Variants in LRRC4C observed in about 807,000 individuals in gnomAD.
LRRC4C encodes the protein leucine-rich repeat-containing protein 4C.
Under a neutral mutation model 33.6 loss-of-function variants are expected in LRRC4C, and 5 were observed. That is an observed-to-expected ratio of 0.15 (90% confidence interval 0.08 to 0.31). The LOEUF (loss-of-function observed/expected upper bound fraction) is 0.31. LRRC4C is among the 10% of genes least tolerant of loss of function. The pLI is 1.00. For missense variants in LRRC4C, 560 were observed against 796.7 expected, an observed-to-expected ratio of 0.70 and a Z score of 3.58; for synonymous variants, 329 against 302.0, an observed-to-expected ratio of 1.09 and a Z score of -0.93.
chr11:40,370,076 A>G (rs1948384424), intron 3 of LRRC4C, among the ~76,000 whole-genome samples: 1 of 152,206 alleles, frequency 6.6e-6, no homozygotes. Context: ...AGAGGATGTT[A>G]TAAAAGTGAT....
intron 5 of LRRC4C, among the ~76,000 whole-genome samples, chr11:40,198,799 G>A (rs1034624748): frequency 3.3e-5 from 5 of 152,178 alleles, no homozygotes; most frequent in African/African-American, 1.2e-4. Flanking sequence ...TGGACTTAAA[G>A]GGGATTTCAG....
chr11:40,796,405 C>T (rs183005659), intron 2 of LRRC4C, among the ~76,000 whole-genome samples: 54 of 152,032 alleles, frequency 3.6e-4, no homozygotes, highest in African/African-American at 1.3e-3. Flanking sequence ...AACAAATGAG[C>T]CTAGGACAAA....
At chr11:40,942,813 A>T (rs2136612070) in intron 1 of LRRC4C, among the ~76,000 whole-genome samples, 1 of 152,286 alleles carries the variant, frequency 6.6e-6, no homozygotes, top group South Asian at 2.1e-4. Flanking sequence ...AATAAAGAAA[A>T]GATAACACCA....
At chr11:41,005,865 C>T in intron 1 of LRRC4C, among the ~76,000 whole-genome samples, 1 of 152,156 alleles carries the variant, frequency 6.6e-6, no homozygotes, top group East Asian at 1.9e-4. Context: ...AACACAGATA[C>T]ATTTCCTAGT....
rs1456325870 is a variant in LRRC4C at position 41,163,298 on chromosome 11, T to TTTTTTTTTTTTTTTTTTC, written c.-495-229576_-495-229575insGAAAAAAAAAAAAAAAAA. On this transcript the variant is annotated intron_variant, in intron 1 of 6. Coordinates refer to ENST00000528697, the MANE Select transcript of LRRC4C (RefSeq NM_001258419.2). ...TTACTGTAACTGTTTTTTTTTTTTT[T>TTTTTTTTTTTTTTTTTTC]TTTCAAACAGGGTCTTGCTCTGTCA... Among the ~76,000 whole-genome samples the TTTTTTTTTTTTTTTTTTC allele has an allele frequency of 4.5e-5, 6 of 132,952 alleles. 1 individual carries two copies. Among genetic ancestry groups the TTTTTTTTTTTTTTTTTTC allele is most frequent in the Non-Finnish European group, 8.1e-5 (5 of 62,022 alleles). 87.2% of individuals were successfully genotyped at this position (132,952 alleles called of 152,430 possible). A position where few individuals can be genotyped will look rare whatever the true frequency, so the allele number is the denominator to read the frequency against.
At chr11:40,363,860 T>C (rs944841049) in intron 3 of LRRC4C, among the ~76,000 whole-genome samples, 3 of 152,306 alleles carry the variant, frequency 2.0e-5, no homozygotes, top group African/African-American at 7.2e-5. Context: ...GTTTTATCAA[T>C]AAAAGCTTCT....
At chr11:40,325,586 C>T (rs921368965) in intron 3 of LRRC4C, among the ~76,000 whole-genome samples, 2 of 151,832 alleles carry the variant, frequency 1.3e-5, no homozygotes, top group Non-Finnish European at 2.9e-5. Context: ...TTTGATGATG[C>T]CACTGTTCTG....
intron 3 of LRRC4C, among the ~76,000 whole-genome samples, chr11:40,586,536 T>G (rs1958755022): frequency 6.7e-6 from 1 of 148,896 alleles, no homozygotes; most frequent in Non-Finnish European, 1.5e-5. Flanking sequence ...GTTTTAGACA[T>G]GAAGTCCTTG....
intron 1 of LRRC4C, among the ~76,000 whole-genome samples, chr11:41,314,102 G>A (rs1319222411): frequency 6.6e-6 from 1 of 152,116 alleles, no homozygotes; most frequent in Non-Finnish European, 1.5e-5. Flanking sequence ...GGTGGAGAAT[G>A]AAGAAATACA....
intron 3 of LRRC4C, among the ~76,000 whole-genome samples, chr11:40,435,416 G>A (rs1951104677): frequency 6.6e-6 from 1 of 152,202 alleles, no homozygotes; most frequent in South Asian, 2.1e-4. Context: ...GTTCTTAAGA[G>A]AGCTCTGAAG....
At chr11:41,088,842 C>T (rs1158938721) in intron 1 of LRRC4C, among the ~76,000 whole-genome samples, 1 of 151,976 alleles carries the variant, frequency 6.6e-6, no homozygotes, top group Non-Finnish European at 1.5e-5. Flanking sequence ...TACTAATGTA[C>T]ATTTATTTGA....
chr11:40,471,633 A>G (rs759564341), intron 3 of LRRC4C, among the ~76,000 whole-genome samples: 3 of 151,616 alleles, frequency 2.0e-5, no homozygotes, highest in Non-Finnish European at 4.4e-5. Context: ...AGACACACAT[A>G]AGCTCAAAAT....
intron 4 of LRRC4C, among the ~76,000 whole-genome samples, chr11:40,245,419 TA>T (rs1304178621): frequency 6.6e-6 from 1 of 152,208 alleles, no homozygotes; most frequent in Non-Finnish European, 1.5e-5. Context: ...AGGCACTTAG[TA>T]AACAGTCACT....
At chr11:40,791,800 G>A (rs1360082893) in intron 2 of LRRC4C, among the ~76,000 whole-genome samples, 2 of 152,080 alleles carry the variant, frequency 1.3e-5, no homozygotes, top group African/African-American at 4.8e-5. Context: ...AATGGATCAG[G>A]TTCAGTAAGA....
intron 3 of LRRC4C, among the ~76,000 whole-genome samples, chr11:40,539,789 G>A (rs1956628833): frequency 6.6e-6 from 1 of 152,220 alleles, no homozygotes; most frequent in African/African-American, 2.4e-5. Flanking sequence ...GAAGACTGAT[G>A]ATAAACAGCT....
intron 3 of LRRC4C, among the ~76,000 whole-genome samples, chr11:40,585,721 T>C (rs1400906049): frequency 7.0e-6 from 1 of 142,302 alleles, no homozygotes; most frequent in African/African-American, 2.6e-5. Flanking sequence ...GAATATGCAG[T>C]GTTTGGTTTT....
chr11:40,713,439 T>G (rs998570049), intron 2 of LRRC4C, among the ~76,000 whole-genome samples: 174 of 152,282 alleles, frequency 1.1e-3, no homozygotes, highest in African/African-American at 4.1e-3. Context: ...TGTGGAAAAC[T>G]CAGGAGATAT....
At chr11:40,995,320 A>T (rs1853892424) in intron 1 of LRRC4C, among the ~76,000 whole-genome samples, 1 of 152,108 alleles carries the variant, frequency 6.6e-6, no homozygotes, top group Admixed American at 6.6e-5. Context: ...AAAAGTGCTT[A>T]AACAGGCTAG....
At chr11:40,214,637 G>T (rs1166630047) in intron 5 of LRRC4C, among the ~76,000 whole-genome samples, 1 of 152,120 alleles carries the variant, frequency 6.6e-6, no homozygotes, top group Non-Finnish European at 1.5e-5. Context: ...TCCCTGCTGT[G>T]TAAGCACACT....
Sources: allele counts gnomAD v4.1 joint callset (sites outside exome capture counted in the v4.1 genomes callset), GRCh38; gene constraint gnomAD v4.1.1; transcripts MANE v1.5; gene names NCBI Gene and HGNC (gene_info 2026-07-23, HGNC 2026-07-21).